The following TRERF1 variants were observed in gnomAD, a reference collection of about 807,000 sequenced individuals.
The protein encoded by TRERF1 is transcriptional-regulating factor 1.
In TRERF1, 27 loss-of-function variants were observed where a neutral mutation model predicts 122.9. The observed-to-expected ratio is 0.22, with a 90% CI of 0.16 to 0.30. The LOEUF is 0.30. TRERF1 is among the 10% of genes least tolerant of loss of function. The pLI, the probability that TRERF1 is intolerant of heterozygous loss-of-function variation, is 1.00. For missense variants in TRERF1, 1,248 were observed against 1,560.3 expected (o/e 0.80, Z 3.37); for synonymous variants, 636 against 641.7 (o/e 0.99, Z 0.13).
Position 42,263,395 on chromosome 6 carries a change from G to A in TRERF1, c.1809C>T (p.Thr603=). Residue 603 remains threonine, a synonymous_variant, in exon 8 of 18, where the codon ACC becomes ACT. Transcript: ENST00000372922. The surrounding 1 kb of genome is among the most constrained non-coding windows in gnomAD (Gnocchi z 5.6). The stretch of plus-strand genomic sequence containing the variant: ...CGGAGGGGGCGGCAACGGTGCTGTT[G>A]GTGAACCCCTGAGAGCTGGGCTTGG... 6.2e-7 allele frequency: 1 copy of A among 1,612,786 alleles called. No individual in the cohort carries two copies. The highest frequency in any genetic ancestry group is 8.5e-7 in the Non-Finnish European group (1 of 1,179,524).
In TRERF1 at chr6:42,285,634, C is replaced by T. The variant is rs1469992183; in HGVS notation, c.-259+15004G>A. ...GGCTGTGGGTTTGTCATAGATAGCT[C>T]TTATTATTTTGAAATACGTCCCATC... On this transcript the variant is annotated intron_variant, in intron 4 of 17. Coordinates refer to ENST00000372922, the Ensembl canonical transcript of TRERF1. Among the ~76,000 whole-genome samples, 8 of 150,140 alleles carry T rather than the reference C, an allele frequency of 5.3e-5. No individual in the cohort carries two copies. In the East Asian group the frequency reaches 1.4e-3, roughly 26 times the overall value.
At chr6:42,337,664 G>C (rs750954221) in intron 3 of TRERF1, among the ~76,000 whole-genome samples, 2 of 152,208 alleles carry the variant, frequency 1.3e-5, no homozygotes, top group South Asian at 4.1e-4. Context: ...CCTCTGAGCA[G>C]AGCCTTGAAG....
intron 2 of TRERF1, among the ~76,000 whole-genome samples, chr6:42,374,649 G>C (rs1774482671): frequency 6.6e-6 from 1 of 152,190 alleles, no homozygotes; most frequent in Non-Finnish European, 1.5e-5. Flanking sequence ...TGAGAGGACA[G>C]CCCGGTCCTA....
chr6:42,256,996 G>A, exon 11 of TRERF1: 1 of 1,614,150 alleles, frequency 6.2e-7, no homozygotes, highest in East Asian at 2.2e-5. Context: ...TCTAGTTCTG[G>A]CCAGGGCTTC....
At chr6:42,328,900 C>T (rs1198891241) in intron 3 of TRERF1, among the ~76,000 whole-genome samples, 3 of 152,096 alleles carry the variant, frequency 2.0e-5, no homozygotes, top group Non-Finnish European at 2.9e-5. Context: ...CAGCATCCAC[C>T]CCAGTCAGCC....
At chr6:42,251,858 A>T (rs193214236) in intron 13 of TRERF1, among the ~76,000 whole-genome samples, 1 of 152,192 alleles carries the variant, frequency 6.6e-6, no homozygotes, top group Admixed American at 6.5e-5. Flanking sequence ...GTCTCAGCTG[A>T]ACACTTGCCA....
chr6:42,288,608 G>A (rs1049961826), intron 4 of TRERF1, among the ~76,000 whole-genome samples: 14 of 149,222 alleles, frequency 9.4e-5, no homozygotes, highest in African/African-American at 3.2e-4. Context: ...AGAGAGAGAC[G>A]GGGTTGTGAC....
At chr6:42,267,032 C>T (rs934276834) in intron 5 of TRERF1, among the ~76,000 whole-genome samples, 2 of 152,144 alleles carry the variant, frequency 1.3e-5, no homozygotes, top group African/African-American at 4.8e-5. Context: ...ATGCATACTA[C>T]CATATTAAAG....
intron 4 of TRERF1, among the ~76,000 whole-genome samples, chr6:42,294,949 AG>A (rs1443759007): frequency 2.6e-5 from 4 of 151,036 alleles, no homozygotes; most frequent in Non-Finnish European, 1.5e-5. Context: ...AGAATACAGA[AG>A]GGGCAGGAAG....
In TRERF1 at chr6:42,449,476, A is replaced by AC. The variant is rs542008936; in HGVS notation, c.-454+1700_-454+1701insG. ...TTCTCGGTAGAAGAGGAAAAAAAAA[A>AC]AAAACTACTGTGACTTGATTAATGG... On this transcript the variant is annotated intron_variant, in intron 2 of 17. Coordinates refer to ENST00000372922, the Ensembl canonical transcript of TRERF1. Among the ~76,000 whole-genome samples, 117 of 152,288 alleles carry AC rather than the reference A, an allele frequency of 7.7e-4. No homozygotes were observed. The South Asian group carries it at 0.023, about 30-fold the overall frequency.
At chr6:42,419,213 T>G (rs933322777) in intron 2 of TRERF1, among the ~76,000 whole-genome samples, 1 of 152,030 alleles carries the variant, frequency 6.6e-6, no homozygotes, top group Non-Finnish European at 1.5e-5. Context: ...TTTAGATAAT[T>G]CAAAACCTGG....
chr6:42,443,840 T>A (rs73735632), intron 2 of TRERF1, among the ~76,000 whole-genome samples: 2,211 of 152,340 alleles, frequency 0.015, 50 homozygotes, highest in African/African-American at 0.05. Flanking sequence ...TCAGATTTTA[T>A]ATCTGAAAAG....
chr6:42,339,088 A>C (rs1766762247), intron 3 of TRERF1, among the ~76,000 whole-genome samples: 1 of 152,216 alleles, frequency 6.6e-6, no homozygotes, highest in African/African-American at 2.4e-5. Flanking sequence ...AAGCCAAAAC[A>C]CGAAGAAGGG....
chr6:42,248,621 G>A (rs747409164), intron 13 of TRERF1, among the ~76,000 whole-genome samples: 16 of 152,120 alleles, frequency 1.1e-4, no homozygotes, highest in Admixed American at 9.8e-4. Flanking sequence ...CAAAGTGCTG[G>A]GATTACAGAC....
intron 2 of TRERF1, among the ~76,000 whole-genome samples, chr6:42,430,918 G>A (rs1289756601): frequency 6.7e-6 from 1 of 149,810 alleles, no homozygotes; most frequent in Non-Finnish European, 1.5e-5. Context: ...AAAATTAGCC[G>A]GGTGTTGTGG....
chr6:42,381,197 T>C (rs1775846533), intron 2 of TRERF1, among the ~76,000 whole-genome samples: 1 of 152,062 alleles, frequency 6.6e-6, no homozygotes, highest in Non-Finnish European at 1.5e-5. Context: ...TGGGAGTCCC[T>C]GATGGCAGGG....
At chr6:42,361,303 T>G (rs1771713223) in intron 3 of TRERF1, among the ~76,000 whole-genome samples, 1 of 152,242 alleles carries the variant, frequency 6.6e-6, no homozygotes, top group African/African-American at 2.4e-5. Flanking sequence ...TATGATTTGT[T>G]GGTGGTTATA....
chr6:42,344,485 G>GT (rs1246251606), intron 3 of TRERF1, among the ~76,000 whole-genome samples: 1 of 152,146 alleles, frequency 6.6e-6, no homozygotes, highest in Non-Finnish European at 1.5e-5. Flanking sequence ...AGGAGGATAG[G>GT]TAAAAAGCTG....
intron 14 of TRERF1, among the ~76,000 whole-genome samples, chr6:42,243,780 TTG>T (rs1427432442): frequency 6.6e-6 from 1 of 151,442 alleles, no homozygotes; most frequent in Non-Finnish European, 1.5e-5. Context: ...CGGGGTTTCA[TTG>T]TGTTAGCCAG....
Sources: gnomAD v4.1 joint callset for allele counts (sites outside exome capture counted in the v4.1 genomes callset) on GRCh38, gnomAD v4.1.1 for gene constraint, Gnocchi (gnomAD v3.1) non-coding constraint, MANE v1.5 for transcripts, NCBI Gene and HGNC (gene_info 2026-07-23, HGNC 2026-07-21) for gene names.